ZC3HC1: variants seen among roughly 807,000 people sequenced by gnomAD.
ZC3HC1 encodes the protein zinc finger C3HC-type containing 1.
Under a neutral mutation model 61.9 loss-of-function variants are expected in ZC3HC1, and 38 were observed. The observed-to-expected ratio is 0.61, with a 90% confidence interval of 0.47 to 0.81. ZC3HC1 has a LOEUF of 0.81. ZC3HC1 is among the 30% of genes least tolerant of loss of function. ZC3HC1 has a pLI of 0.00. For synonymous variants in ZC3HC1, 213 were observed against 229.9 expected (o/e 0.93, Z 0.67); for missense variants, 554 against 622.7 (o/e 0.89, Z 1.17).
In ZC3HC1 at chr7:130,023,233, G is replaced by T. The variant is rs746519624; in HGVS notation, c.1233+278C>A. 6.6e-6 allele frequency among the ~76,000 whole-genome samples: 1 copy of T among 152,088 alleles called. No homozygotes were observed. The highest frequency in any genetic ancestry group is 2.4e-5 in the African/African-American group (1 of 41,418). ...AACGGTCCCTGGTGCCAAAAAGGTTGGGGACCGCTGCCAGATCAGGTTTGT... is the reference window on the plus strand; with the variant it reads ...AACGGTCCCTGGTGCCAAAAAGGTTTGGGACCGCTGCCAGATCAGGTTTGT... On this transcript the variant is annotated intron_variant, in intron 8 of 9. Coordinates refer to ENST00000358303, the MANE Select transcript of ZC3HC1 (RefSeq NM_016478.5). This position sits in a 1 kb window ranked among gnomAD's most constrained non-coding sequence, Gnocchi z 4.2.
intron 2 of ZC3HC1, chr7:130,044,006 CTCA>C (rs1446102003): frequency 1.1e-5 from 4 of 358,118 alleles, no homozygotes; most frequent in Non-Finnish European, 2.2e-5. Flanking sequence ...TCAGCAGGAA[CTCA>C]TCGTTTTTTA....
At position 130,022,379 on chromosome 7, in the gene ZC3HC1, T is replaced by G. The variant is rs1563073359; in HGVS notation, c.1380A>C (p.Ala460=). The change falls in exon 9 of 10, where the codon GCA becomes GCC. Residue 460 remains alanine, a synonymous_variant. Coordinates refer to ENST00000358303, the MANE Select transcript of ZC3HC1 (RefSeq NM_016478.5). ...ASAPAEPGWK[A]VLTILLAHKQ... is the part of the protein sequence containing the mutation. ...TGTGCGCCAAGAGGATGGTCAGCAC[T>G]GCTTTCCAGCCTGGCTCTGCTGGGG... 6 of 1,613,854 alleles carry G rather than the reference T, an allele frequency of 3.7e-6. No individual in the cohort carries two copies. The highest frequency in any genetic ancestry group is 5.1e-6 in the Non-Finnish European group (6 of 1,179,954).
At position 130,022,406 on chromosome 7, in the gene ZC3HC1, G is replaced by A. The variant is rs767502846; in HGVS notation, c.1353C>T (p.Ser451=). ...RENGGTEPDA[S]APAEPGWKAV... ...CTTTCCAGCCTGGCTCTGCTGGGGCGCTGGCATCTGGTTCAGTTCCACCAT... is the reference window on the plus strand; with the variant it reads ...CTTTCCAGCCTGGCTCTGCTGGGGCACTGGCATCTGGTTCAGTTCCACCAT... The change falls in exon 9 of 10, where the codon AGC becomes AGT. Residue 451 remains serine, a synonymous_variant. Transcript: ENST00000358303. The A allele has an allele frequency of 1.6e-5, 25 of 1,612,858 alleles. No individual in the cohort carries two copies. Among genetic ancestry groups the A allele is most frequent in the Middle Eastern group, 1.7e-4 (1 of 6,056 alleles).
At chr7:130,037,856 G>A (rs1794485787) in intron 4 of ZC3HC1, among the ~76,000 whole-genome samples, 2 of 152,108 alleles carry the variant, frequency 1.3e-5, no homozygotes, top group South Asian at 2.1e-4. Flanking sequence ...TTTAACTATG[G>A]GTCTAAAGAA....
Position 130,023,830 on chromosome 7 carries a change from C to G in ZC3HC1, c.1021-107G>C, listed in dbSNP as rs565886173. ...TCTTTTTTTTTTTGAGACAGAGTCTCGCTTTGTTGCCAAGGCTGGAGAGCA... is the reference window on the plus strand; with the variant it reads ...TCTTTTTTTTTTTGAGACAGAGTCTGGCTTTGTTGCCAAGGCTGGAGAGCA... On this transcript the variant is annotated intron_variant, in intron 7 of 9. Coordinates refer to ENST00000358303, the MANE Select transcript of ZC3HC1 (RefSeq NM_016478.5). This position sits in a 1 kb window ranked among gnomAD's most constrained non-coding sequence, Gnocchi z 4.2. 1 of 1,045,962 alleles carries G rather than the reference C, an allele frequency of 9.6e-7. No individual in the cohort carries two copies. The highest frequency in any genetic ancestry group is 1.6e-5 in the African/African-American group (1 of 62,090). The allele number at this position is 1,045,962 out of a possible 1,614,324, so 64.8% of individuals were successfully genotyped here.
chr7:130,025,461 G>A (rs968071858), intron 6 of ZC3HC1, among the ~76,000 whole-genome samples: 3 of 151,252 alleles, frequency 2.0e-5, no homozygotes, highest in African/African-American at 7.3e-5. Flanking sequence ...TCAATTAAGC[G>A]GATTTTTCTT....
At position 130,048,914 on chromosome 7, in the gene ZC3HC1, A is replaced by G. The variant is rs1794967633; in HGVS notation, c.258+119T>C. ...CATATTAGGATGCTGACTTTCCTAT[A>G]TAATTTCTTACCAAGGTTTTATTCT... On this transcript the variant is annotated intron_variant, in intron 2 of 9. Coordinates refer to ENST00000358303, the MANE Select transcript of ZC3HC1 (RefSeq NM_016478.5). The G allele has an allele frequency of 1.0e-5, 7 of 677,120 alleles. No homozygotes were observed. The Admixed American group carries it at 2.0e-4, about 19-fold the overall frequency. The allele number at this position is 677,120 out of a possible 1,614,324, so 41.9% of individuals were successfully genotyped here.
At position 130,020,805 on chromosome 7, in the gene ZC3HC1, G is replaced by C. The variant is rs140544557; in HGVS notation, c.1440+1514C>G. ...CTTACTGAAAACTGCCAATGTACTA[G>C]TTCCTGAAGATCTAGGCAGAGAAAT... On this transcript the variant is annotated intron_variant, in intron 9 of 9. Coordinates refer to ENST00000358303, the MANE Select transcript of ZC3HC1 (RefSeq NM_016478.5). Among the ~76,000 whole-genome samples, 5 of 152,294 alleles carry C rather than the reference G, an allele frequency of 3.3e-5. No homozygotes were observed. In the East Asian group the frequency reaches 9.6e-4, roughly 29 times the overall value.
chr7:130,027,015 T>TG (rs1793947283), intron 5 of ZC3HC1: 2 of 148,542 alleles, frequency 1.3e-5, no homozygotes, highest in Admixed American at 6.7e-5. Flanking sequence ...ATTTTAGAGA[T>TG]GGGGTCTCAC....
chr7:130,018,446 TTGCTGC>T lies in ZC3HC1; in HGVS notation c.*212_*217del. On this transcript the variant is annotated 3_prime_UTR_variant, in exon 10 of 10. Coordinates refer to ENST00000358303, the MANE Select transcript of ZC3HC1 (RefSeq NM_016478.5). The stretch of plus-strand genomic sequence containing the variant: ...CCACACTCCTTTAACAGAACCATGC[TTGCTGC>T]CCTTACCCTGTCCACATCCCTGAAA... 2 of 503,954 alleles carry T rather than the reference TTGCTGC, an allele frequency of 4.0e-6. No individual in the cohort carries two copies. The highest frequency in any genetic ancestry group is 7.1e-6 in the Non-Finnish European group (2 of 280,048). 31.2% of individuals were successfully genotyped at this position (503,954 alleles called of 1,614,324 possible).
rs755876733 is a variant in ZC3HC1 at position 130,028,938 on chromosome 7, C to T, written c.585G>A (p.Gln195=). 2.8e-5 allele frequency: 45 copies of T among 1,613,684 alleles called. No individual in the cohort carries two copies. Among genetic ancestry groups the T allele is most frequent in the Non-Finnish European group, 3.6e-5 (42 of 1,179,826 alleles). ...RFQSLCHLDL[Q]LPSLRPEDLK... ...AGTCCTCCGGCCTTAGGGAAGGAAG[C>T]TGGAGGTCCAAGTGACAAAGGCTTT... The change falls in exon 5 of 10, where the codon CAG becomes CAA. Residue 195 remains glutamine (Q), a synonymous_variant. Coordinates refer to ENST00000358303, the MANE Select transcript of ZC3HC1 (RefSeq NM_016478.5).
chr7:130,041,154 ATG>A lies in ZC3HC1; in HGVS notation c.259-55_259-54del, dbSNP rs34409527. On this transcript the variant is annotated intron_variant, in intron 2 of 9. Transcript: ENST00000358303. ...CAAATATATATATATATGTGTGTGT[ATG>A]TGTGTGTGTGTGTGTGTGTGTATAC... The A allele has an allele frequency of 8.4e-3, 9,953 of 1,185,872 alleles. 1 individual carries two copies. Among genetic ancestry groups the A allele is most frequent in the South Asian group, 0.01 (607 of 59,062 alleles). 73.5% of individuals were successfully genotyped at this position (1,185,872 alleles called of 1,614,324 possible). A position where few individuals can be genotyped will look rare whatever the true frequency, so the allele number is the denominator to read the frequency against.
chr7:130,023,607 G>A lies in ZC3HC1; in HGVS notation c.1137C>T (p.Thr379=), dbSNP rs146129746. 19 of 1,614,028 alleles carry A rather than the reference G, an allele frequency of 1.2e-5. No homozygotes were observed. The African/African-American group carries it at 2.4e-4, about 20-fold the overall frequency. ...ASPTTRTRPV[T]RSMGTGDTPG... ...GGGTGTCTCCTGTTCCCATGCTTCG[G>A]GTCACTGGGCGAGTTCTGGTGGTGG... Residue 379 remains threonine (T), a synonymous_variant, in exon 8 of 10, where the codon ACC becomes ACT. Coordinates refer to ENST00000358303, the MANE Select transcript of ZC3HC1 (RefSeq NM_016478.5). The surrounding 1 kb of genome is among the most constrained non-coding windows in gnomAD (Gnocchi z 4.2).
chr7:130,023,404 T>A lies in ZC3HC1; in HGVS notation c.1233+107A>T. The A allele has an allele frequency of 9.3e-7, 1 of 1,074,158 alleles. No individual in the cohort carries two copies. Among genetic ancestry groups the A allele is most frequent in the Non-Finnish European group, 1.4e-6 (1 of 736,744 alleles). 66.5% of individuals were successfully genotyped at this position (1,074,158 alleles called of 1,614,324 possible). ...TTTAAATTTATTCACATGGTCTACT[T>A]TTTGCATTGGACCACGGAAGGGCTC... On this transcript the variant is annotated intron_variant, in intron 8 of 9. Coordinates refer to ENST00000358303, the MANE Select transcript of ZC3HC1 (RefSeq NM_016478.5). This position sits in a 1 kb window ranked among gnomAD's most constrained non-coding sequence, Gnocchi z 4.2.
At chr7:130,050,526 A>G in intron 1 of ZC3HC1, 1 of 1,441,362 alleles carries the variant, frequency 6.9e-7, no homozygotes, top group Non-Finnish European at 9.1e-7. Flanking sequence ...ATAAACTTGG[A>G]TGGGTAAAAA....
At chr7:130,045,485 T>C in intron 2 of ZC3HC1, 2 of 457,480 alleles carry the variant, frequency 4.4e-6, no homozygotes, top group Non-Finnish European at 8.8e-6. Flanking sequence ...ACAACCTCTA[T>C]GGTCTATAGG....
chr7:130,023,459 G>A lies in ZC3HC1; in HGVS notation c.1233+52C>T. The A allele has an allele frequency of 6.4e-7, 1 of 1,568,076 alleles. No individual in the cohort carries two copies. Among genetic ancestry groups the A allele is most frequent in the Non-Finnish European group, 8.7e-7 (1 of 1,143,482 alleles). On this transcript the variant is annotated intron_variant, in intron 8 of 9. Coordinates refer to ENST00000358303, the MANE Select transcript of ZC3HC1 (RefSeq NM_016478.5). The surrounding 1 kb of genome is among the most constrained non-coding windows in gnomAD (Gnocchi z 4.2). The stretch of plus-strand genomic sequence containing the variant: ...CTGCTTCTCCATGCTGCCTAGGGAG[G>A]GCCCAATATGCTGTTTATGCTCAGC...
At chr7:130,042,646 T>G (rs1296966087) in intron 2 of ZC3HC1, among the ~76,000 whole-genome samples, 1 of 152,190 alleles carries the variant, frequency 6.6e-6, no homozygotes, top group African/African-American at 2.4e-5. Context: ...CTAAAACATT[T>G]ATTACTCCTT....
At chr7:130,019,324 C>T (rs1793525706) in intron 9 of ZC3HC1, among the ~76,000 whole-genome samples, 1 of 152,328 alleles carries the variant, frequency 6.6e-6, no homozygotes, top group Admixed American at 6.5e-5. Context: ...GCTGGGATTA[C>T]AGGCGTGAGC....
Sources: gnomAD v4.1 joint callset for allele counts (sites outside exome capture counted in the v4.1 genomes callset) on GRCh38, gnomAD v4.1.1 for gene constraint, Gnocchi (gnomAD v3.1) non-coding constraint, MANE v1.5 for transcripts, NCBI Gene and HGNC (gene_info 2026-07-23, HGNC 2026-07-21) for gene names.